The following SETD2 variants were observed in gnomAD, a reference collection of about 807,000 sequenced individuals.
The protein encoded by SETD2 is SET domain containing 2, histone lysine methyltransferase.
In SETD2, 31 loss-of-function variants were observed where a neutral mutation model predicts 242.1. The ratio of observed to expected loss-of-function variants is 0.13; its 90% confidence interval spans 0.10 to 0.17. SETD2 has a LOEUF of 0.17. Ranked by LOEUF, SETD2 falls within the 10% of genes least tolerant of loss-of-function variation. The probability of loss-of-function intolerance (pLI) is 1.00; values close to 1 mark genes in which losing one functional copy is unlikely to be tolerated. For missense variants in SETD2, 2,481 were observed against 3,046.3 expected (o/e 0.81, Z 4.37); for synonymous variants, 1,006 against 1,066.5 (o/e 0.94, Z 1.11).
At chr3:47,109,061 T>C (rs1029845110) in intron 5 of SETD2, among the ~76,000 whole-genome samples, 3 of 152,094 alleles carry the variant, frequency 2.0e-5, no homozygotes, top group Admixed American at 6.6e-5. Context: ...TTGAACTCCT[T>C]CTCCTTAAAG....
intron 10 of SETD2, among the ~76,000 whole-genome samples, chr3:47,087,474 C>T (rs921467025): frequency 2.0e-5 from 3 of 152,118 alleles, no homozygotes; most frequent in African/African-American, 7.2e-5. Context: ...AATCGAATGC[C>T]GCTGCTACTC....
chr3:47,121,220 T>G lies in SETD2; in HGVS notation c.3416A>C (p.Lys1139Thr). ...DKFFLHKGTE[K>T]NPEISFTQSS... ...CTGTGTAAAAGAAATTTCCGGATTCTTCTCTGTTCCTTTATGAAGGAAAAA... is the reference window on the plus strand; with the variant it reads ...CTGTGTAAAAGAAATTTCCGGATTCGTCTCTGTTCCTTTATGAAGGAAAAA... The change falls in exon 3 of 21, where the codon AAG becomes ACG. Residue 1139 changes from lysine (K) to threonine (T), a missense_variant. This residue lies in a region of SETD2 where 1,300 missense variants were observed against 1,259.2 expected (regional missense o/e 1.03). Coordinates refer to ENST00000409792, the MANE Select transcript of SETD2 (RefSeq NM_014159.7). 1 of 1,614,168 alleles carries G rather than the reference T, an allele frequency of 6.2e-7. No individual in the cohort carries two copies. Among genetic ancestry groups the G allele is most frequent in the Non-Finnish European group, 8.5e-7 (1 of 1,180,010 alleles).
intron 3 of SETD2, among the ~76,000 whole-genome samples, chr3:47,117,331 G>A (rs1481950944): frequency 6.6e-6 from 1 of 150,566 alleles, no homozygotes; most frequent in Non-Finnish European, 1.5e-5. Context: ...GGCAAATGGG[G>A]AAGATGAGAT....
At chr3:47,131,505 G>A (rs529624643) in intron 1 of SETD2, among the ~76,000 whole-genome samples, 14 of 151,008 alleles carry the variant, frequency 9.3e-5, no homozygotes, top group Non-Finnish European at 1.6e-4. Context: ...CACCACACCC[G>A]GCTAATTTTT....
chr3:47,096,788 T>G (rs1255891250), intron 9 of SETD2, among the ~76,000 whole-genome samples: 7 of 152,118 alleles, frequency 4.6e-5, no homozygotes, highest in Admixed American at 2.0e-4. Context: ...ATATACATTT[T>G]TTAAAAGAGA....
At chr3:47,076,165 G>A (rs763937568) in intron 12 of SETD2, among the ~76,000 whole-genome samples, 15 of 151,800 alleles carry the variant, frequency 9.9e-5, no homozygotes, top group Non-Finnish European at 1.9e-4. Context: ...AAGACTTTCC[G>A]GGGGGGAAAA....
chr3:47,087,457 C>G (rs1575750759), intron 10 of SETD2, among the ~76,000 whole-genome samples: 1 of 152,256 alleles, frequency 6.6e-6, no homozygotes, highest in Middle Eastern at 3.4e-3. Context: ...GTTCGTGCTC[C>G]TATGAGAATC....
At chr3:47,018,300 C>T (rs1355161940) in intron 19 of SETD2, among the ~76,000 whole-genome samples, 1 of 152,154 alleles carries the variant, frequency 6.6e-6, no homozygotes, top group African/African-American at 2.4e-5. Flanking sequence ...CTATGTCCTC[C>T]CTGGGCTGTC....
chr3:47,031,894 T>C (rs2038786674), intron 18 of SETD2, among the ~76,000 whole-genome samples: 1 of 152,146 alleles, frequency 6.6e-6, no homozygotes, highest in Non-Finnish European at 1.5e-5. Context: ...CATATAACAA[T>C]AATATAATTT....
intron 7 of SETD2, among the ~76,000 whole-genome samples, chr3:47,102,990 T>C (rs2042274158): frequency 1.3e-5 from 2 of 152,124 alleles, no homozygotes; most frequent in South Asian, 4.1e-4. Context: ...GACAACTAAA[T>C]GCAATGTGAG....
At chr3:47,097,568 A>G (rs1056911100) in intron 9 of SETD2, among the ~76,000 whole-genome samples, 2 of 152,178 alleles carry the variant, frequency 1.3e-5, no homozygotes, top group African/African-American at 4.8e-5. Context: ...CTCACACTCA[A>G]AAGAGGATTT....
intron 11 of SETD2, 144 bp from the exon 12 acceptor site, chr3:47,084,526 G>C: frequency 1.7e-6 from 1 of 605,090 alleles, no homozygotes; most frequent in East Asian, 2.9e-5. Flanking sequence ...CTGGGTTCAA[G>C]CAATTCTCCT....
chr3:47,127,492 C>T, intron 1 of SETD2: 1 of 413,702 alleles, frequency 2.4e-6, no homozygotes, highest in Non-Finnish European at 4.8e-6. Flanking sequence ...CTTTAAGAGG[C>T]TAAATTGGGA....
rs1167181294 is a variant in SETD2, at chr3:47,056,012, CAAAAAAAAAAAAA to C, written c.6963+796_6963+808del. Reference sequence around the variant, plus strand: ...TGGGGGACAGAGCGAGACTCCGTCTCAAAAAAAAAAAAAAAAAAAAAAAAAAAAAAAGTTCTGC... The same window carrying C: ...TGGGGGACAGAGCGAGACTCCGTCTCAAAAAAAAAAAAAAAAAAGTTCTGC... On this transcript the variant is annotated intron_variant, in intron 15 of 20. Coordinates refer to ENST00000409792, the MANE Select transcript of SETD2 (RefSeq NM_014159.7). Among the ~76,000 whole-genome samples, 15 of 39,554 alleles carry C rather than the reference CAAAAAAAAAAAAA, an allele frequency of 3.8e-4. No homozygotes were observed. The Middle Eastern group carries it at 0.12, about 330-fold the overall frequency. The allele number at this position is 39,554 out of a possible 152,430, so 25.9% of individuals were successfully genotyped here. A position where few individuals can be genotyped will look rare whatever the true frequency, so the allele number is the denominator to read the frequency against.
chr3:47,090,531 C>A (rs2041756335), intron 9 of SETD2, among the ~76,000 whole-genome samples: 2 of 151,990 alleles, frequency 1.3e-5, no homozygotes, highest in African/African-American at 4.8e-5. Flanking sequence ...GCTGGGACTA[C>A]AGGCCCGTGC....
chr3:47,022,705 A>G (rs997613249), intron 18 of SETD2, among the ~76,000 whole-genome samples: 1 of 152,246 alleles, frequency 6.6e-6, no homozygotes, highest in Admixed American at 6.5e-5. Flanking sequence ...AGAGTACACA[A>G]TGAAATGAGC....
intron 1 of SETD2, among the ~76,000 whole-genome samples, chr3:47,131,985 C>T (rs1183936580): frequency 6.6e-6 from 1 of 150,970 alleles, no homozygotes; most frequent in Non-Finnish European, 1.5e-5. Context: ...ACCATGCTGG[C>T]CAGGCTGGTC....
chr3:47,046,396 A>G, intron 16 of SETD2, 91 bp downstream of exon 16: 7 of 1,241,106 alleles, frequency 5.6e-6, no homozygotes, highest in Non-Finnish European at 7.5e-6. Flanking sequence ...AAACCCAAAA[A>G]TAAAACCCAA....
At chr3:47,103,456 A>AT in intron 6 of SETD2, 33 bp from the exon 7 acceptor site, 2 of 1,385,532 alleles carry the variant, frequency 1.4e-6, no homozygotes, top group Non-Finnish European at 2.1e-6. Flanking sequence ...GAATTAAAAA[A>AT]TAATACCTTA....
Sources: allele counts gnomAD v4.1 joint callset (sites outside exome capture counted in the v4.1 genomes callset), GRCh38; gene constraint gnomAD v4.1.1; regional missense constraint gnomAD v4.1.1; transcripts MANE v1.5; gene names NCBI Gene and HGNC (gene_info 2026-07-23, HGNC 2026-07-21).